The following SLC35F3 variants were observed in gnomAD, a reference collection of about 807,000 sequenced individuals.
SLC35F3 encodes solute carrier family 35 member F3, also known as putative thiamine transporter SLC35F3.
Under a neutral mutation model 49.9 loss-of-function variants are expected in SLC35F3, and 25 were observed. The ratio of observed to expected loss-of-function variants is 0.50; its 90% CI spans 0.37 to 0.70. The LOEUF (loss-of-function observed/expected upper bound fraction) is 0.70. SLC35F3 is among the 30% of genes least tolerant of loss of function. The pLI is 0.00. For missense variants in SLC35F3, 525 were observed against 639.8 expected, an observed-to-expected ratio of 0.82 and a Z score of 1.94; for synonymous variants, 275 against 265.4, an observed-to-expected ratio of 1.04 and a Z score of -0.35.
chr1:234,007,547 C>T (rs1018594932), intron 2 of SLC35F3, among the ~76,000 whole-genome samples: 5 of 152,152 alleles, frequency 3.3e-5, no homozygotes, highest in African/African-American at 4.8e-5. Context: ...TTATGCCGAA[C>T]GAAGTGGGGA....
At chr1:234,038,366 T>A (rs6668707) in intron 2 of SLC35F3, among the ~76,000 whole-genome samples, 22,712 of 147,852 alleles carry the variant, frequency 0.15, 1,792 homozygotes, top group Non-Finnish European at 0.17. Flanking sequence ...TCTATCATTG[T>A]TGGACATTTG....
chr1:234,200,964 G>A (rs1418413074), intron 2 of SLC35F3, among the ~76,000 whole-genome samples: 9 of 152,170 alleles, frequency 5.9e-5, no homozygotes, highest in South Asian at 2.1e-4. Flanking sequence ...CAAACTGCGG[G>A]TGATATACAA....
chr1:234,187,187 G>A (rs1316681590), intron 2 of SLC35F3, among the ~76,000 whole-genome samples: 2 of 152,154 alleles, frequency 1.3e-5, no homozygotes, highest in African/African-American at 2.4e-5. Context: ...CCCAGGTGAT[G>A]TGAAAGGAAC....
At chr1:233,939,800 G>A (rs77680618) in intron 2 of SLC35F3, among the ~76,000 whole-genome samples, 7,867 of 152,184 alleles carry the variant, frequency 0.052, 250 homozygotes, top group East Asian at 0.099. Context: ...AGCTTTCCTG[G>A]GACTGAACAT....
intron 3 of SLC35F3, among the ~76,000 whole-genome samples, chr1:234,235,295 G>A (rs1253080056): frequency 1.3e-5 from 2 of 152,204 alleles, no homozygotes; most frequent in African/African-American, 4.8e-5. Context: ...GTTTCTCAAT[G>A]AAGGTGGCCA....
chr1:234,057,221 T>C (rs1664470104), intron 2 of SLC35F3, among the ~76,000 whole-genome samples: 1 of 152,226 alleles, frequency 6.6e-6, no homozygotes, highest in Admixed American at 6.5e-5. Context: ...CTGGTAGGAA[T>C]TGCACTGACT....
intron 2 of SLC35F3, among the ~76,000 whole-genome samples, chr1:233,966,390 C>T (rs1378319167): frequency 6.6e-6 from 1 of 152,020 alleles, no homozygotes; most frequent in Non-Finnish European, 1.5e-5. Flanking sequence ...ATGGAGACAC[C>T]CCCAGTGAGG....
chr1:234,223,694 G>A (rs1423735972), intron 2 of SLC35F3, among the ~76,000 whole-genome samples: 3 of 152,196 alleles, frequency 2.0e-5, no homozygotes, highest in Non-Finnish European at 4.4e-5. Flanking sequence ...CAGAGTGGTG[G>A]CTCTTGGTCC....
intron 2 of SLC35F3, among the ~76,000 whole-genome samples, chr1:233,946,999 CAAGT>C (rs748569208): frequency 8.5e-5 from 13 of 152,098 alleles, no homozygotes; most frequent in Non-Finnish European, 1.9e-4. Flanking sequence ...GATAGATAAG[CAAGT>C]AAAATAAATG....
At chr1:234,294,646 G>A (rs1015549113) in intron 3 of SLC35F3, among the ~76,000 whole-genome samples, 2 of 152,188 alleles carry the variant, frequency 1.3e-5, no homozygotes, top group African/African-American at 2.4e-5. Flanking sequence ...ATGTGCTGAC[G>A]TTGGCAAAAT....
chr1:234,043,694 G>T (rs1664254179), intron 2 of SLC35F3, among the ~76,000 whole-genome samples: 1 of 152,172 alleles, frequency 6.6e-6, no homozygotes, highest in Admixed American at 6.5e-5. Flanking sequence ...ATTTGAGAAT[G>T]ATATTTTATG....
At chr1:234,066,253 G>C (rs1190005760) in intron 2 of SLC35F3, among the ~76,000 whole-genome samples, 2 of 152,132 alleles carry the variant, frequency 1.3e-5, no homozygotes, top group Admixed American at 1.3e-4. Flanking sequence ...CACAGCAGCT[G>C]AAGTCAGGTG....
At chr1:234,281,153 G>A (rs1668319709) in intron 3 of SLC35F3, among the ~76,000 whole-genome samples, 1 of 152,132 alleles carries the variant, frequency 6.6e-6, no homozygotes, top group Admixed American at 6.5e-5. Context: ...TGCATTTGGA[G>A]ATAGGTCTTT....
intron 2 of SLC35F3, among the ~76,000 whole-genome samples, chr1:234,074,329 G>C (rs1664763330): frequency 6.6e-6 from 1 of 152,216 alleles, no homozygotes; most frequent in Non-Finnish European, 1.5e-5. Context: ...AGTTAACAAT[G>C]ATTGAACACT....
intron 2 of SLC35F3, among the ~76,000 whole-genome samples, chr1:234,217,153 A>G (rs4333882): frequency 0.31 from 47,663 of 152,090 alleles, 8,892 homozygotes; most frequent in East Asian, 0.82. Context: ...GAATGCAGCC[A>G]GCGAGGAATA....
chr1:234,041,549 G>A (rs940274972), intron 2 of SLC35F3, among the ~76,000 whole-genome samples: 2 of 151,998 alleles, frequency 1.3e-5, no homozygotes, highest in Middle Eastern at 3.2e-3. Flanking sequence ...GTGTCTGCCT[G>A]TATGTATCTA....
intron 5 of SLC35F3, among the ~76,000 whole-genome samples, chr1:234,318,019 A>T (rs1047280151): frequency 2.6e-5 from 4 of 152,206 alleles, no homozygotes; most frequent in African/African-American, 7.2e-5. Flanking sequence ...GAAATACATG[A>T]ATGAGTTGGG....
chr1:234,274,089 G>A (rs1270675148), intron 3 of SLC35F3: 1 of 152,124 alleles, frequency 6.6e-6, no homozygotes, highest in Non-Finnish European at 1.5e-5. Flanking sequence ...TAAAAATTGG[G>A]GTTAGCGAAA....
chr1:234,127,144 C>T (rs1665659749), intron 2 of SLC35F3, among the ~76,000 whole-genome samples: 1 of 152,160 alleles, frequency 6.6e-6, no homozygotes, highest in African/African-American at 2.4e-5. Flanking sequence ...TTATTGCTGC[C>T]TACTCATCTT....
Sources: gnomAD v4.1 joint callset for allele counts (sites outside exome capture counted in the v4.1 genomes callset) on GRCh38, gnomAD v4.1.1 for gene constraint, MANE v1.5 for transcripts, NCBI Gene and HGNC (gene_info 2026-07-23, HGNC 2026-07-21) for gene names.